Variants in YLPM1 observed in about 807,000 individuals in gnomAD.
YLPM1 encodes YLP motif containing 1.
In YLPM1, 99 loss-of-function variants were observed where a neutral mutation model predicts 230.0. The ratio of observed to expected loss-of-function variants is 0.43; its 90% confidence interval spans 0.37 to 0.51. The LOEUF (loss-of-function observed/expected upper bound fraction) is 0.51. Ranked by LOEUF, YLPM1 falls within the 20% of genes least tolerant of loss-of-function variation. The probability of loss-of-function intolerance (pLI) is 0.00; values close to 1 mark genes in which losing one functional copy is unlikely to be tolerated. For missense variants in YLPM1, 2,592 were observed against 2,707.7 expected (o/e 0.96, Z 0.95); for synonymous variants, 984 against 942.5 (o/e 1.04, Z -0.81).
rs1378288086 is a variant in YLPM1, at chr14:74,815,325, G to T, written c.5503-878G>T. 2.6e-5 allele frequency among the ~76,000 whole-genome samples: 4 copies of T among 152,246 alleles called. No individual in the cohort carries two copies. In the East Asian group the frequency reaches 5.8e-4, roughly 22 times the overall value. Reference sequence around the variant, plus strand: ...GCCTGTCATCCCAGCACTTTGGGAGGCTGAGGTGGGCGGATCACTTGAGGC... The same window carrying T: ...GCCTGTCATCCCAGCACTTTGGGAGTCTGAGGTGGGCGGATCACTTGAGGC... On this transcript the variant is annotated intron_variant, in intron 11 of 20. Coordinates refer to ENST00000325680, the MANE Select transcript of YLPM1 (RefSeq NM_019589.3).
intron 17 of YLPM1, among the ~76,000 whole-genome samples, chr14:74,822,287 C>T (rs183479245): frequency 5.9e-5 from 9 of 152,218 alleles, no homozygotes; most frequent in East Asian, 3.9e-4. Flanking sequence ...AAACTGATTA[C>T]GTGAGAAGTC....
Position 74,817,004 on chromosome 14 carries a change from C to T in YLPM1, c.5759C>T (p.Thr1920Ile). The change falls in exon 14 of 21, where the codon ACT (threonine) becomes ATT (isoleucine). Residue 1920 changes from threonine (T) to isoleucine (I), a missense_variant. By Grantham distance (89) the Thr-to-Ile change is moderately conservative. Coordinates refer to ENST00000325680, the MANE Select transcript of YLPM1 (RefSeq NM_019589.3). ...RTSMFKTFKK[T>I]LDDGFFPFII... The stretch of plus-strand genomic sequence containing the variant: ...AGCATGTTCAAAACTTTCAAAAAGA[C>T]TCTGGATGATGGCTTTTTTCCCTTC... 1 of 1,610,588 alleles carries T rather than the reference C, an allele frequency of 6.2e-7. No homozygotes were observed. The highest frequency in any genetic ancestry group is 8.5e-7 in the Non-Finnish European group (1 of 1,178,848).
intron 1 of YLPM1, among the ~76,000 whole-genome samples, chr14:74,767,130 C>T (rs1236787090): frequency 6.6e-6 from 1 of 152,120 alleles, no homozygotes; most frequent in Non-Finnish European, 1.5e-5. Flanking sequence ...GATCCAGCTG[C>T]CTTGGCCTCC....
Position 74,764,366 on chromosome 14 carries a change from A to G in YLPM1, c.873+4A>G. 1 of 1,599,444 alleles carries G rather than the reference A, an allele frequency of 6.3e-7. No individual in the cohort carries two copies. Among genetic ancestry groups the G allele is most frequent in the South Asian group, 1.1e-5 (1 of 89,594 alleles). Reference sequence around the variant, plus strand: ...TCCCTCTACGATGACTCCACAGGTAAGAAAGCATCTGCCTGAACCTCATCT... The same window carrying G: ...TCCCTCTACGATGACTCCACAGGTAGGAAAGCATCTGCCTGAACCTCATCT... On this transcript the variant is annotated splice_donor_region_variant and intron_variant, in intron 1 of 20. Transcript: ENST00000325680.
chr14:74,803,454 CTT>C (rs778032702), intron 6 of YLPM1, among the ~76,000 whole-genome samples: 2 of 152,178 alleles, frequency 1.3e-5, no homozygotes, highest in South Asian at 4.1e-4. Flanking sequence ...CAAATTAACA[CTT>C]TTCATTTCTC....
chr14:74,835,812 C>T lies in YLPM1; in HGVS notation c.*74C>T, dbSNP rs924686063. 2.2e-5 allele frequency: 10 copies of T among 456,696 alleles called. No individual in the cohort carries two copies. The highest frequency in any genetic ancestry group is 4.4e-5 in the Non-Finnish European group (10 of 227,328). 28.3% of individuals were successfully genotyped at this position (456,696 alleles called of 1,614,324 possible). ...GAGGTGGTCTGAAGCCAAGGCCTCGCGGAGCTTCTTTGTGTGTCACCTTGC... is the reference window on the plus strand; with the variant it reads ...GAGGTGGTCTGAAGCCAAGGCCTCGTGGAGCTTCTTTGTGTGTCACCTTGC... On this transcript the variant is annotated 3_prime_UTR_variant, in exon 21 of 21. Coordinates refer to ENST00000325680, the MANE Select transcript of YLPM1 (RefSeq NM_019589.3).
chr14:74,799,798 A>G, intron 5 of YLPM1, 101 bp downstream of exon 5: 2 of 1,419,590 alleles, frequency 1.4e-6, no homozygotes, highest in Non-Finnish European at 9.2e-7. Context: ...TTTTACTTCA[A>G]GTTCTTATCA....
intron 2 of YLPM1, 107 bp downstream of exon 2, chr14:74,778,790 A>G: frequency 1.1e-6 from 1 of 933,384 alleles, no homozygotes; most frequent in Non-Finnish European, 1.6e-6. Flanking sequence ...TTTTTTAGGT[A>G]CCTATAAAGT....
chr14:74,825,970 G>A (rs1172768713), intron 18 of YLPM1, among the ~76,000 whole-genome samples: 1 of 152,026 alleles, frequency 6.6e-6, no homozygotes, highest in African/African-American at 2.4e-5. Flanking sequence ...TCTACCATTT[G>A]CTTCTCAGAA....
intron 4 of YLPM1, among the ~76,000 whole-genome samples, chr14:74,791,691 C>T (rs2091208649): frequency 6.6e-6 from 1 of 152,206 alleles, no homozygotes; most frequent in African/African-American, 2.4e-5. Context: ...TTATCAAATT[C>T]TGTTCTAATT....
intron 19 of YLPM1, 115 bp downstream of exon 19, chr14:74,829,458 C>G: frequency 7.1e-7 from 1 of 1,404,212 alleles, no homozygotes; most frequent in Non-Finnish European, 9.7e-7. Context: ...ATTTAGTTTA[C>G]GCTATGTCAT....
intron 1 of YLPM1, among the ~76,000 whole-genome samples, chr14:74,767,415 A>G (rs1394615165): frequency 6.6e-6 from 1 of 152,218 alleles, no homozygotes; most frequent in Non-Finnish European, 1.5e-5. Context: ...TGTTCAAGTC[A>G]GAGTCCAAAC....
rs2091480853 is a variant in YLPM1, at chr14:74,816,700, T to A, written c.5685+10T>A. 2 of 1,604,410 alleles carry A rather than the reference T, an allele frequency of 1.2e-6. No homozygotes were observed. Among genetic ancestry groups the A allele is most frequent in the Non-Finnish European group, 1.7e-6 (2 of 1,176,072 alleles). ...GAAAGTGAAAAAGAAGGTATGGTAT[T>A]CATCTCAGATCTCGTTCTGATTCAT... On this transcript the variant is annotated intron_variant, in intron 13 of 20. Coordinates refer to ENST00000325680, the MANE Select transcript of YLPM1 (RefSeq NM_019589.3).
Position 74,764,076 on chromosome 14 carries a change from C to T in YLPM1, c.587C>T (p.Pro196Leu). The change falls in exon 1 of 21, where the codon CCT becomes CTT. Residue 196 changes from proline to leucine, a missense_variant. This residue lies in a region of YLPM1 where 1,862 missense variants were observed against 1,819.8 expected (regional missense o/e 1.02). Coordinates refer to ENST00000325680, the MANE Select transcript of YLPM1 (RefSeq NM_019589.3). The part of the protein sequence containing the change: ...PAQPSPSQSP[P>L]SQSYLAPTPS... ...CAGCCGTCCCCTTCGCAGTCCCCAC[C>T]TTCCCAATCCTACCTGGCGCCCACC... 9.3e-6 allele frequency: 15 copies of T among 1,613,406 alleles called. No homozygotes were observed. The highest frequency in any genetic ancestry group is 2.2e-5 in the East Asian group (1 of 44,854).
chr14:74,786,076 C>G (rs113899778), intron 4 of YLPM1, among the ~76,000 whole-genome samples: 4 of 151,946 alleles, frequency 2.6e-5, no homozygotes, highest in African/African-American at 4.8e-5. Context: ...TAAAGACACA[C>G]ATTGGCCAGG....
chr14:74,810,340 T>C lies in YLPM1; in HGVS notation c.5148T>C (p.His1716=), dbSNP rs1359359291. ...HRDFKRDRET[H]RDRDRDRGVI... ...ATTTTAAAAGGGATCGTGAGACACA[T>C]AGAGATCGAGACCGGGATCGTGGTG... is the stretch of plus-strand genomic sequence containing the variant. The change falls in exon 9 of 21, where the codon CAT becomes CAC. Residue 1716 remains histidine, a synonymous_variant. Coordinates refer to ENST00000325680, the MANE Select transcript of YLPM1 (RefSeq NM_019589.3). 5.6e-6 allele frequency: 9 copies of C among 1,613,556 alleles called. 1 individual carries two copies. In the East Asian group the frequency reaches 8.9e-5, roughly 16 times the overall value.
rs777420279 is a variant in YLPM1, at chr14:74,781,742, C to T, written c.1699C>T (p.Pro567Ser). The T allele has an allele frequency of 2.5e-6, 4 of 1,611,982 alleles. No homozygotes were observed. The highest frequency in any genetic ancestry group is 1.7e-5 in the Admixed American group (1 of 59,770). Residue 567 changes from proline to serine, a missense_variant, in exon 4 of 21, where the codon CCT becomes TCT. Physicochemically the swap from Pro to Ser is moderately conservative, Grantham distance 74. Transcript: ENST00000325680. ...PPGMPPPVMP[P>S]SLPTSVPPPG... The stretch of plus-strand genomic sequence containing the variant: ...TGGCATGCCCCCACCTGTTATGCCA[C>T]CTTCTCTACCAACCTCTGTTCCCCC...
chr14:74,767,272 T>C (rs2090921218), intron 1 of YLPM1, among the ~76,000 whole-genome samples: 1 of 152,352 alleles, frequency 6.6e-6, no homozygotes, highest in Middle Eastern at 3.4e-3. Context: ...TCAGATTTCC[T>C]TTATTGTTTC....
intron 4 of YLPM1, among the ~76,000 whole-genome samples, chr14:74,787,854 A>G (rs1292199364): frequency 6.6e-6 from 1 of 152,132 alleles, no homozygotes; most frequent in Non-Finnish European, 1.5e-5. Flanking sequence ...GTCTTTACTA[A>G]AAATACAAAA....
Sources: gnomAD v4.1 joint callset for allele counts (sites outside exome capture counted in the v4.1 genomes callset) on GRCh38, gnomAD v4.1.1 for gene constraint, gnomAD v4.1.1 regional missense constraint, MANE v1.5 for transcripts, NCBI Gene and HGNC (gene_info 2026-07-23, HGNC 2026-07-21) for gene names.